Variants in NRXN3 observed in about 807,000 individuals in gnomAD.
NRXN3 encodes the protein neurexin III.
NRXN3 carries 32 observed loss-of-function variants against 137.6 expected under a neutral mutation model. The ratio of observed to expected loss-of-function variants is 0.23; its 90% confidence interval spans 0.18 to 0.31. The LOEUF is 0.31. NRXN3 is among the 10% of genes least tolerant of loss of function. The pLI is 1.00. For missense variants in NRXN3, 1,574 were observed against 2,062.5 expected, an observed-to-expected ratio of 0.76 and a Z score of 4.59; for synonymous variants, 798 against 784.5, an observed-to-expected ratio of 1.02 and a Z score of -0.29.
At chr14:79,498,826 C>A (rs2096791747) in intron 16 of NRXN3, among the ~76,000 whole-genome samples, 1 of 152,142 alleles carries the variant, frequency 6.6e-6, no homozygotes, top group African/African-American at 2.4e-5. Flanking sequence ...GCTCTGTGTC[C>A]CATGCTGGAG....
intron 19 of NRXN3, among the ~76,000 whole-genome samples, chr14:79,720,026 TG>T (rs1360998829): frequency 6.6e-6 from 1 of 152,044 alleles, no homozygotes; most frequent in Non-Finnish European, 1.5e-5. Context: ...ATAACATCCC[TG>T]GGGAGTGTAT....
intron 1 of NRXN3, among the ~76,000 whole-genome samples, chr14:78,171,943 G>T (rs1263013120): frequency 6.6e-6 from 1 of 152,008 alleles, no homozygotes; most frequent in Non-Finnish European, 1.5e-5. Context: ...GCTAGCTTAG[G>T]ATGGAGCAAG....
rs2096367690 is a variant in NRXN3, at chr14:79,462,861, A to AATGTATATGTACATACACAT, written c.3263-4349_3263-4348insCATACACATATGTATATGTA. Among the ~76,000 whole-genome samples, 4 of 140,778 alleles carry AATGTATATGTACATACACAT rather than the reference A, an allele frequency of 2.8e-5. 2 individuals carry two copies. The highest frequency in any genetic ancestry group is 1.2e-4 in the African/African-American group (4 of 34,096). 92.4% of individuals were successfully genotyped at this position (140,778 alleles called of 152,430 possible). A position where few individuals can be genotyped will look rare whatever the true frequency, so the allele number is the denominator to read the frequency against. ...TATATGTATATGTGCATACACAATG[A>AATGTATATGTACATACACAT]ATGTATATGTATATGTACATACACA... On this transcript the variant is annotated intron_variant, in intron 15 of 20. Coordinates refer to ENST00000335750, the MANE Select transcript of NRXN3 (RefSeq NM_001330195.2).
chr14:79,535,804 T>C (rs2153725803), intron 16 of NRXN3, among the ~76,000 whole-genome samples: 1 of 152,282 alleles, frequency 6.6e-6, no homozygotes, highest in South Asian at 2.1e-4. Flanking sequence ...GAACTTCTGG[T>C]CTCTCCAGGA....
At chr14:78,695,194 A>G (rs2098214098) in intron 6 of NRXN3, 1 of 151,948 alleles carries the variant, frequency 6.6e-6, no homozygotes, top group Non-Finnish European at 1.5e-5. Context: ...CCTTCATCTT[A>G]TAAGGATTCA....
At chr14:79,855,385 A>T (rs1450142721) in intron 20 of NRXN3, among the ~76,000 whole-genome samples, 1 of 152,184 alleles carries the variant, frequency 6.6e-6, no homozygotes, top group Non-Finnish European at 1.5e-5. Context: ...TTTCCAAGCC[A>T]GCAGCTTAAT....
At chr14:79,713,765 T>A (rs968463758) in intron 19 of NRXN3, among the ~76,000 whole-genome samples, 8 of 151,034 alleles carry the variant, frequency 5.3e-5, no homozygotes, top group African/African-American at 1.5e-4. Context: ...ACCAATCATG[T>A]TCATTTCTTA....
Position 78,243,847 on chromosome 14 carries a change from G to T in NRXN3, c.709+45G>T, listed in dbSNP as rs1882822. On this transcript the variant is annotated intron_variant, in intron 2 of 20. Coordinates refer to ENST00000335750, the MANE Select transcript of NRXN3 (RefSeq NM_001330195.2). The surrounding 1 kb of genome is among the most constrained non-coding windows in gnomAD (Gnocchi z 4.2). ...TTGCTAGAGACCCACCCACGGGATG[G>T]CTGAGGCTGGGGCTCCTGATACAAA... 6.9e-7 allele frequency: 1 copy of T among 1,441,572 alleles called. No homozygotes were observed. 89.3% of individuals were successfully genotyped at this position (1,441,572 alleles called of 1,614,324 possible).
intron 4 of NRXN3, among the ~76,000 whole-genome samples, chr14:78,569,780 A>C (rs2096872577): frequency 6.6e-6 from 1 of 150,724 alleles, no homozygotes; most frequent in Non-Finnish European, 1.5e-5. Context: ...GGCTGGTCTC[A>C]AACTCCTGAT....
chr14:79,050,265 C>T (rs2099639971), intron 15 of NRXN3, among the ~76,000 whole-genome samples: 1 of 152,138 alleles, frequency 6.6e-6, no homozygotes, highest in South Asian at 2.1e-4. Flanking sequence ...TTTCAAAGCA[C>T]ATTATAAACT....
At chr14:78,214,883 A>G (rs528916937) in intron 1 of NRXN3, among the ~76,000 whole-genome samples, 1 of 152,288 alleles carries the variant, frequency 6.6e-6, no homozygotes, top group African/African-American at 2.4e-5. Context: ...GTCACGGAGC[A>G]TGAGATTTGA....
intron 15 of NRXN3, among the ~76,000 whole-genome samples, chr14:79,407,178 T>A (rs1445115653): frequency 6.6e-6 from 1 of 152,168 alleles, no homozygotes; most frequent in Non-Finnish European, 1.5e-5. Context: ...AAAAAAAGGT[T>A]TTAAAATTTT....
chr14:78,587,018 G>A (rs2097070794), intron 4 of NRXN3, among the ~76,000 whole-genome samples: 1 of 152,198 alleles, frequency 6.6e-6, no homozygotes. Context: ...AGTCTTGAAT[G>A]AGAAGCTTGA....
intron 16 of NRXN3, among the ~76,000 whole-genome samples, chr14:79,514,774 T>C (rs140120966): frequency 6.6e-6 from 1 of 152,270 alleles, no homozygotes; most frequent in East Asian, 1.9e-4. Flanking sequence ...TCAGGCAATG[T>C]GAATCCTGCT....
At chr14:79,182,528 T>C (rs548362247) in intron 15 of NRXN3, among the ~76,000 whole-genome samples, 25 of 152,142 alleles carry the variant, frequency 1.6e-4, no homozygotes, top group Non-Finnish European at 3.5e-4. Context: ...GAGAATCTAA[T>C]GCTGCCACTG....
intron 15 of NRXN3, among the ~76,000 whole-genome samples, chr14:79,256,089 C>A (rs78105973): frequency 0.029 from 4,390 of 151,820 alleles, 195 homozygotes; most frequent in African/African-American, 0.099. Context: ...TTATGTCCAT[C>A]CCTCCTCTCT....
At position 79,862,262 on chromosome 14, in the gene NRXN3, C is replaced by T; in HGVS notation, c.*298C>T. ...TTAGCGCTCTGGAGCCGGACGGTGG[C>T]TCCACCACTTCCGCAGGCCTGGAAA... On this transcript the variant is annotated 3_prime_UTR_variant, in exon 21 of 21. Coordinates refer to ENST00000335750, the MANE Select transcript of NRXN3 (RefSeq NM_001330195.2). The T allele has an allele frequency of 3.9e-6, 1 of 253,332 alleles. No homozygotes were observed. The highest frequency in any genetic ancestry group is 7.9e-5 in the South Asian group (1 of 12,580). 15.7% of individuals were successfully genotyped at this position (253,332 alleles called of 1,614,324 possible). A position where few individuals can be genotyped will look rare whatever the true frequency, so the allele number is the denominator to read the frequency against.
At chr14:78,764,776 A>T (rs545159268) in intron 8 of NRXN3, among the ~76,000 whole-genome samples, 2 of 152,282 alleles carry the variant, frequency 1.3e-5, no homozygotes, top group Non-Finnish European at 2.9e-5. Flanking sequence ...GACAGTGATT[A>T]GATCAGGCTT....
At chr14:78,931,800 A>C (rs182226261) in intron 10 of NRXN3, among the ~76,000 whole-genome samples, 4 of 152,188 alleles carry the variant, frequency 2.6e-5, no homozygotes, top group Non-Finnish European at 5.9e-5. Flanking sequence ...TTGTCTTAGG[A>C]ACACTGAAGT....
Sources: gnomAD v4.1 joint callset for allele counts (sites outside exome capture counted in the v4.1 genomes callset) on GRCh38, gnomAD v4.1.1 for gene constraint, Gnocchi (gnomAD v3.1) non-coding constraint, MANE v1.5 for transcripts, NCBI Gene and HGNC (gene_info 2026-07-23, HGNC 2026-07-21) for gene names.